CDH2: variants seen among roughly 807,000 people sequenced by gnomAD.
CDH2 encodes cadherin-2.
CDH2 carries 17 observed loss-of-function variants against 92.0 expected under a neutral mutation model. The ratio of observed to expected loss-of-function variants is 0.18; its 90% CI spans 0.13 to 0.28. CDH2 has a LOEUF of 0.28. Ranked by LOEUF, CDH2 falls within the 10% of genes least tolerant of loss-of-function variation. CDH2 has a pLI of 1.00. For synonymous variants in CDH2, 419 were observed against 415.9 expected, an observed-to-expected ratio of 1.01 and a Z score of -0.09; for missense variants, 862 against 1,133.1, an observed-to-expected ratio of 0.76 and a Z score of 3.44.
intron 2 of CDH2, among the ~76,000 whole-genome samples, chr18:28,103,140 T>TTA (rs953567114): frequency 2.1e-4 from 30 of 140,072 alleles, no homozygotes; most frequent in East Asian, 6.2e-4. Context: ...AATAAACTCC[T>TTA]TATATATATA....
chr18:28,161,134 T>G (rs998959033), intron 1 of CDH2, among the ~76,000 whole-genome samples: 1 of 152,152 alleles, frequency 6.6e-6, no homozygotes, highest in Non-Finnish European at 1.5e-5. Context: ...AGTCCATCCC[T>G]CACATACCAC....
intron 2 of CDH2, among the ~76,000 whole-genome samples, chr18:28,107,353 G>T (rs957266662): frequency 6.6e-6 from 1 of 151,872 alleles, no homozygotes; most frequent in Non-Finnish European, 1.5e-5. Flanking sequence ...AAAATTAGTT[G>T]GTGTGACCAC....
At chr18:28,005,712 C>T in intron 6 of CDH2, 137 bp downstream of exon 6, 9 of 591,776 alleles carry the variant, frequency 1.5e-5, no homozygotes, top group South Asian at 8.1e-5. Context: ...TACCTTCCTT[C>T]TTTCCCAAAA....
At chr18:28,025,730 T>G (rs1342464330) in intron 2 of CDH2, among the ~76,000 whole-genome samples, 1 of 151,754 alleles carries the variant, frequency 6.6e-6, no homozygotes, top group Admixed American at 6.6e-5. Flanking sequence ...CTTTAAATAT[T>G]TATGAGTTAG....
At position 28,083,860 on chromosome 18, in the gene CDH2, T is replaced by C. The variant is rs544582402; in HGVS notation, c.172+63813A>G. The stretch of plus-strand genomic sequence containing the variant: ...AATCCAGTATTTTGAGAAAACACTA[T>C]GGTGGCTTGTGAGCAACTCCTCACA... On this transcript the variant is annotated intron_variant, in intron 2 of 15. Transcript: ENST00000269141. Among the ~76,000 whole-genome samples the C allele has an allele frequency of 1.6e-4, 25 of 152,310 alleles. 1 individual carries two copies. In the South Asian group the frequency reaches 5.2e-3, roughly 32 times the overall value.
At chr18:28,104,663 T>A (rs2015291068) in intron 2 of CDH2, among the ~76,000 whole-genome samples, 1 of 150,326 alleles carries the variant, frequency 6.7e-6, no homozygotes, top group South Asian at 2.1e-4. Flanking sequence ...AACATTTGAT[T>A]ACCTAAACAT....
chr18:28,103,531 C>G (rs1326102860), intron 2 of CDH2, among the ~76,000 whole-genome samples: 1 of 151,014 alleles, frequency 6.6e-6, no homozygotes, highest in Non-Finnish European at 1.5e-5. Flanking sequence ...ACTTTAAGTT[C>G]TGGGATACAC....
At chr18:28,106,161 A>G (rs2015317289) in intron 2 of CDH2, among the ~76,000 whole-genome samples, 1 of 152,222 alleles carries the variant, frequency 6.6e-6, no homozygotes, top group Non-Finnish European at 1.5e-5. Context: ...TTACACCTAT[A>G]ATCCCAGCAC....
At chr18:28,175,001 G>T (rs987399659) in intron 1 of CDH2, among the ~76,000 whole-genome samples, 1 of 152,102 alleles carries the variant, frequency 6.6e-6, no homozygotes, top group Non-Finnish European at 1.5e-5. Context: ...CTTTAAGTTT[G>T]TCTTGCCTTC....
chr18:28,027,372 T>C (rs533513605), intron 2 of CDH2, among the ~76,000 whole-genome samples: 19 of 152,312 alleles, frequency 1.2e-4, no homozygotes, highest in African/African-American at 4.3e-4. Flanking sequence ...AAAAAGTTTT[T>C]ATTATAATGT....
chr18:28,076,512 A>T (rs1423788643), intron 2 of CDH2, among the ~76,000 whole-genome samples: 2 of 152,112 alleles, frequency 1.3e-5, no homozygotes, highest in Non-Finnish European at 1.5e-5. Flanking sequence ...TTGCTCAATA[A>T]TTTTTTAACA....
chr18:28,098,404 G>A (rs749260383), intron 2 of CDH2, among the ~76,000 whole-genome samples: 1 of 152,120 alleles, frequency 6.6e-6, no homozygotes, highest in Non-Finnish European at 1.5e-5. Flanking sequence ...TAGAAGAAAT[G>A]CAAAGTTAGG....
intron 2 of CDH2, among the ~76,000 whole-genome samples, chr18:28,137,090 C>T (rs2015875434): frequency 6.6e-6 from 1 of 152,124 alleles, no homozygotes; most frequent in Admixed American, 6.6e-5. Flanking sequence ...AATAAGGTAG[C>T]AGTCAATTTA....
intron 2 of CDH2, among the ~76,000 whole-genome samples, chr18:28,048,182 T>G (rs576826164): frequency 6.6e-6 from 1 of 152,308 alleles, no homozygotes; most frequent in African/African-American, 2.4e-5. Flanking sequence ...ATGAGGAAAT[T>G]AAGCCTCACA....
chr18:28,154,779 G>A (rs973357334), intron 1 of CDH2, among the ~76,000 whole-genome samples: 4 of 152,128 alleles, frequency 2.6e-5, no homozygotes, highest in African/African-American at 9.7e-5. Flanking sequence ...ACCATGGACA[G>A]ACTTCAGTTG....
intron 15 of CDH2, among the ~76,000 whole-genome samples, chr18:27,958,308 T>A (rs2011303850): frequency 1.4e-5 from 2 of 140,412 alleles, no homozygotes; most frequent in African/African-American, 5.0e-5. Flanking sequence ...CTTTAGTAGT[T>A]TCAAGCAAGT....
intron 2 of CDH2, among the ~76,000 whole-genome samples, chr18:28,039,323 C>T (rs190990269): frequency 6.6e-6 from 1 of 152,240 alleles, no homozygotes; most frequent in East Asian, 1.9e-4. Context: ...CAGGGTGCTA[C>T]ACAGGAACTC....
In CDH2 at chr18:27,954,958, G is replaced by A. The variant is rs539701181; in HGVS notation, c.2515-2599C>T. ...CCTTAGTTCAGCATTGTCTGACTTG[G>A]GGTCATACAAGTAGGCCCAAGAAGG... On this transcript the variant is annotated intron_variant, in intron 15 of 15. Coordinates refer to ENST00000269141, the MANE Select transcript of CDH2 (RefSeq NM_001792.5). Among the ~76,000 whole-genome samples, 3 of 152,166 alleles carry A rather than the reference G, an allele frequency of 2.0e-5. No homozygotes were observed. The East Asian group carries it at 5.8e-4, about 29-fold the overall frequency.
chr18:28,156,896 C>T (rs2016227990), intron 1 of CDH2, among the ~76,000 whole-genome samples: 2 of 152,172 alleles, frequency 1.3e-5, no homozygotes, highest in African/African-American at 4.8e-5. Context: ...TGAAAACATA[C>T]ATCGAGTGAC....
Sources: allele counts gnomAD v4.1 joint callset (sites outside exome capture counted in the v4.1 genomes callset), GRCh38; gene constraint gnomAD v4.1.1; transcripts MANE v1.5; gene names NCBI Gene and HGNC (gene_info 2026-07-23, HGNC 2026-07-21).